SPOP: variants seen among roughly 807,000 people sequenced by gnomAD.
SPOP encodes the protein speckle-type POZ protein.
Under a neutral mutation model 45.6 loss-of-function variants are expected in SPOP, and 11 were observed. The observed-to-expected ratio is 0.24, with a 90% CI of 0.15 to 0.40. SPOP has a LOEUF of 0.40. SPOP is among the 10% of genes least tolerant of loss of function. The pLI is 1.00. For missense variants in SPOP, 152 were observed against 465.6 expected (o/e 0.33, Z 6.20); for synonymous variants, 166 against 166.3 (o/e 1.00, Z 0.01).
intron 1 of SPOP, among the ~76,000 whole-genome samples, chr17:49,643,693 G>A (rs991045894): frequency 6.6e-6 from 1 of 152,138 alleles, no homozygotes; most frequent in African/African-American, 2.4e-5. Flanking sequence ...CACTTTGGGA[G>A]GCCCAGGCGG....
intron 1 of SPOP, among the ~76,000 whole-genome samples, chr17:49,627,071 G>C (rs1043196152): frequency 4.6e-5 from 7 of 152,250 alleles, no homozygotes; most frequent in South Asian, 2.1e-4. Flanking sequence ...GGATGGTCTC[G>C]ATCTCCTGAC....
At chr17:49,651,261 TCTC>T (rs983853367) in intron 1 of SPOP, among the ~76,000 whole-genome samples, 24 of 152,160 alleles carry the variant, frequency 1.6e-4, no homozygotes, top group East Asian at 1.5e-3. Flanking sequence ...GCCACCAAAT[TCTC>T]CTCATTATCA....
At chr17:49,630,462 A>T (rs189879035) in intron 1 of SPOP, among the ~76,000 whole-genome samples, 46 of 152,356 alleles carry the variant, frequency 3.0e-4, no homozygotes, top group Non-Finnish European at 5.7e-4. Context: ...TACTTAAAAA[A>T]TTTTTAGAGA....
At chr17:49,640,147 GA>G (rs1254039680) in intron 1 of SPOP, among the ~76,000 whole-genome samples, 1 of 151,980 alleles carries the variant, frequency 6.6e-6, no homozygotes, top group Non-Finnish European at 1.5e-5. Context: ...CAGCTACTTG[GA>G]AGGCTGAGGT....
chr17:49,621,583 T>A (rs191049567), intron 3 of SPOP, among the ~76,000 whole-genome samples: 1 of 152,382 alleles, frequency 6.6e-6, no homozygotes, highest in East Asian at 1.9e-4. Context: ...TACTCATGCA[T>A]AGCTATAGTT....
intron 1 of SPOP, among the ~76,000 whole-genome samples, chr17:49,631,145 A>G (rs1322354273): frequency 2.0e-5 from 3 of 152,202 alleles, no homozygotes; most frequent in Non-Finnish European, 4.4e-5. Context: ...ATCCCTACTG[A>G]TATGTTTTAA....
chr17:49,649,432 G>A (rs562944025), intron 1 of SPOP, among the ~76,000 whole-genome samples: 34 of 152,200 alleles, frequency 2.2e-4, no homozygotes, highest in African/African-American at 7.9e-4. Context: ...AGCTACTAGG[G>A]AGGCTGAGGC....
At chr17:49,649,707 T>C (rs1306303044) in intron 1 of SPOP, among the ~76,000 whole-genome samples, 1 of 150,214 alleles carries the variant, frequency 6.7e-6, no homozygotes, top group Non-Finnish European at 1.5e-5. Flanking sequence ...CAGGCGCCTG[T>C]AGTCCCAGCT....
At position 49,601,832 on chromosome 17, in the gene SPOP, T is replaced by C. The variant is rs367960280; in HGVS notation, c.980+33A>G. The C allele has an allele frequency of 1.1e-5, 18 of 1,610,030 alleles. No homozygotes were observed. In the African/African-American group the frequency reaches 2.4e-4, roughly 22 times the overall value. On this transcript the variant is annotated intron_variant, in intron 9 of 9. Transcript: ENST00000504102. ...CTCATTTCTTCAGCTATCCAACTAT[T>C]TTGAAAGAAGAACTTTGAAGATGCC...
intron 1 of SPOP, among the ~76,000 whole-genome samples, chr17:49,671,544 A>G (rs2073135838): frequency 6.6e-6 from 1 of 152,078 alleles, no homozygotes; most frequent in Non-Finnish European, 1.5e-5. Flanking sequence ...GTGAGCATCA[A>G]AAAGAAGGTA....
At chr17:49,649,625 C>T (rs116894471) in intron 1 of SPOP, among the ~76,000 whole-genome samples, 1,770 of 151,188 alleles carry the variant, frequency 0.012, 17 homozygotes, top group Middle Eastern at 0.027. Flanking sequence ...GAGGTCAGAT[C>T]GAGACCATCC....
chr17:49,611,561 A>AT (rs1463235677), intron 5 of SPOP, 104 bp from the exon 6 acceptor site: 16 of 998,570 alleles, frequency 1.6e-5, no homozygotes, highest in Admixed American at 9.0e-5. Flanking sequence ...TCAGATACTA[A>AT]TATTAATCAT....
intron 1 of SPOP, among the ~76,000 whole-genome samples, chr17:49,634,021 A>G (rs2072499088): frequency 6.6e-6 from 1 of 152,082 alleles, no homozygotes; most frequent in South Asian, 2.1e-4. Context: ...CTGCTTAAAA[A>G]AAAAAAAAAC....
At chr17:49,636,380 T>G (rs764081158) in intron 1 of SPOP, 4 of 152,190 alleles carry the variant, frequency 2.6e-5, no homozygotes, top group Admixed American at 6.5e-5. Context: ...GATTAAAAAT[T>G]TAAATTCAAA....
intron 8 of SPOP, among the ~76,000 whole-genome samples, chr17:49,605,465 G>A (rs1025671529): frequency 6.6e-6 from 1 of 152,116 alleles, no homozygotes; most frequent in South Asian, 2.1e-4. Context: ...TGAGGTGGGC[G>A]GACCACTTGA....
chr17:49,607,162 A>T, intron 8 of SPOP, 88 bp downstream of exon 8: 1 of 1,567,134 alleles, frequency 6.4e-7, no homozygotes, highest in Admixed American at 1.7e-5. Context: ...TGCTCATTTT[A>T]CCCACAATGC....
At chr17:49,642,231 G>T (rs1356438368) in intron 1 of SPOP, among the ~76,000 whole-genome samples, 3 of 151,048 alleles carry the variant, frequency 2.0e-5, no homozygotes, top group Admixed American at 2.0e-4. Flanking sequence ...TTTATAGTCA[G>T]AAAAAAAAGG....
chr17:49,611,617 C>A (rs534834226), intron 5 of SPOP, among the ~76,000 whole-genome samples, 160 bp from the exon 6 acceptor site: 58 of 152,264 alleles, frequency 3.8e-4, no homozygotes, highest in African/African-American at 1.3e-3. Flanking sequence ...AGCCCCGGAT[C>A]AAGTAACTCC....
rs1437242226 is a variant in SPOP at position 49,669,404 on chromosome 17, C to A, written c.-67+8529G>T. ...ATAATTAAAAAATTAAAGAAACACC[C>A]AAGAATGATCAATAAAAAATAAATT... is the stretch of plus-strand genomic sequence containing the variant. On this transcript the variant is annotated intron_variant, in intron 1 of 9. Coordinates refer to ENST00000504102, the MANE Select transcript of SPOP (RefSeq NM_001007228.2). Among the ~76,000 whole-genome samples the A allele has an allele frequency of 2.1e-5, 3 of 140,118 alleles. No individual in the cohort carries two copies. The East Asian group carries it at 6.1e-4, about 29-fold the overall frequency. 91.9% of individuals were successfully genotyped at this position (140,118 alleles called of 152,430 possible). A position where few individuals can be genotyped will look rare whatever the true frequency, so the allele number is the denominator to read the frequency against.
Sources: gnomAD v4.1 joint callset for allele counts (sites outside exome capture counted in the v4.1 genomes callset) on GRCh38, gnomAD v4.1.1 for gene constraint, MANE v1.5 for transcripts, NCBI Gene and HGNC (gene_info 2026-07-23, HGNC 2026-07-21) for gene names.